Variants in PRKDC observed in about 807,000 individuals in gnomAD.
PRKDC encodes the protein DNA-dependent protein kinase catalytic subunit.
A neutral mutation model predicts 486.9 loss-of-function variants in PRKDC; 82 were observed. The observed-to-expected ratio is 0.17, with a 90% CI of 0.14 to 0.20. PRKDC has a LOEUF of 0.20. Among genes scored for constraint, PRKDC ranks in the 10% least tolerant of loss-of-function variants. The pLI, the probability that PRKDC is intolerant of heterozygous loss-of-function variation, is 1.00. For synonymous variants in PRKDC, 1,895 were observed against 1,837.0 expected (o/e 1.03, Z -0.81); for missense variants, 4,504 against 5,038.2 (o/e 0.89, Z 3.21).
intron 3 of PRKDC, among the ~76,000 whole-genome samples, chr8:47,956,839 G>A (rs2090710628): frequency 1.3e-5 from 2 of 151,326 alleles, no homozygotes; most frequent in African/African-American, 4.8e-5. Flanking sequence ...AGGGAGCCCA[G>A]GGTGCCACTG....
chr8:47,895,303 T>A (rs1246012283), intron 30 of PRKDC, among the ~76,000 whole-genome samples: 1 of 152,044 alleles, frequency 6.6e-6, no homozygotes, highest in East Asian at 1.9e-4. Context: ...AAGAGATAAA[T>A]CAAGGAAGGC....
intron 41 of PRKDC, 44 bp from the exon 42 acceptor site, chr8:47,863,621 T>C (rs2088729373): frequency 6.9e-7 from 1 of 1,457,958 alleles, no homozygotes; most frequent in Non-Finnish European, 9.5e-7. Context: ...TTATTAAACA[T>C]GAAATACATC....
chr8:47,908,292 T>C (rs1006115585), intron 25 of PRKDC, among the ~76,000 whole-genome samples: 1 of 152,236 alleles, frequency 6.6e-6, no homozygotes, highest in Non-Finnish European at 1.5e-5. Flanking sequence ...CCATCGGCCA[T>C]TTACATTTCT....
chr8:47,887,810 C>T, intron 34 of PRKDC, 105 bp from the exon 35 acceptor site: 1 of 1,174,446 alleles, frequency 8.5e-7, no homozygotes, highest in South Asian at 1.8e-5. Flanking sequence ...ATAGCACTGA[C>T]AACTACCTTC....
At chr8:47,808,922 A>G (rs1286182920) in intron 68 of PRKDC, among the ~76,000 whole-genome samples, 1 of 151,924 alleles carries the variant, frequency 6.6e-6, no homozygotes, top group African/African-American at 2.4e-5. Context: ...CTGTATTCCC[A>G]GCTACTCAGG....
At chr8:47,826,634 G>C in intron 63 of PRKDC, 22 bp downstream of exon 63, 1 of 1,593,530 alleles carries the variant, frequency 6.3e-7, no homozygotes, top group Non-Finnish European at 8.6e-7. Flanking sequence ...GTGCTCCCAA[G>C]AGCACCTGAC....
rs2154500329 is a variant in PRKDC, at chr8:47,852,720, C to A, written c.6958G>T (p.Ala2320Ser). Reference sequence around the variant, plus strand: ...CGAAGTATAAGTCCTAGAACTTCTGCTGCAGCGGCATACACTTCTTTATAT... The same window carrying A: ...CGAAGTATAAGTCCTAGAACTTCTGATGCAGCGGCATACACTTCTTTATAT... The part of the protein sequence containing the change: ...VRYKEVYAAA[A>S]EVLGLILRYV... Residue 2320 changes from alanine (A) to serine (S), a missense_variant, in exon 52 of 86, where the codon GCA (alanine) becomes TCA (serine). Physicochemically the swap from Ala to Ser is moderately conservative, Grantham distance 99. Coordinates refer to ENST00000314191, the MANE Select transcript of PRKDC (RefSeq NM_006904.7). 6.3e-7 allele frequency: 1 copy of A among 1,581,744 alleles called. No homozygotes were observed. Among genetic ancestry groups the A allele is most frequent in the East Asian group, 2.3e-5 (1 of 44,186 alleles).
chr8:47,900,657 C>G (rs1370918325), intron 27 of PRKDC, among the ~76,000 whole-genome samples, 190 bp from the exon 28 acceptor site: 1 of 151,810 alleles, frequency 6.6e-6, no homozygotes, highest in Non-Finnish European at 1.5e-5. Context: ...GTCAGGAGAT[C>G]GAGACCACAG....
At chr8:47,854,635 G>A (rs985363648) in intron 50 of PRKDC, among the ~76,000 whole-genome samples, 5 of 152,168 alleles carry the variant, frequency 3.3e-5, no homozygotes, top group Non-Finnish European at 5.9e-5. Context: ...CACCGTGCCC[G>A]GCCAAATACA....
At position 47,809,752 on chromosome 8, in the gene PRKDC, T is replaced by C. The variant is rs947784047; in HGVS notation, c.9558-2426A>G. 5.3e-5 allele frequency among the ~76,000 whole-genome samples: 8 copies of C among 152,144 alleles called. 1 individual carries two copies. The highest frequency in any genetic ancestry group is 1.9e-4 in the African/African-American group (8 of 41,432). ...GACAACAACTAGAAACTGGATAAAA[T>C]ACAACTCCCCAAGAACTCTGAGTGA... is the stretch of plus-strand genomic sequence containing the variant. On this transcript the variant is annotated intron_variant, in intron 68 of 85. Transcript: ENST00000314191.
chr8:47,783,957 T>A (rs2086744518), intron 77 of PRKDC, 148 bp from the exon 78 acceptor site: 4 of 769,204 alleles, frequency 5.2e-6, no homozygotes, highest in Non-Finnish European at 8.6e-6. Flanking sequence ...GAACTGACTT[T>A]AAAAAAAATG....
intron 30 of PRKDC, among the ~76,000 whole-genome samples, chr8:47,895,347 A>G (rs1378680661): frequency 1.3e-5 from 2 of 152,258 alleles, no homozygotes; most frequent in East Asian, 3.8e-4. Flanking sequence ...TGTTGGAAGA[A>G]GGGCAAGGCT....
At position 47,866,256 on chromosome 8, in the gene PRKDC, G is replaced by A. The variant is rs144375062; in HGVS notation, c.5364-1493C>T. 5.7e-4 allele frequency among the ~76,000 whole-genome samples: 87 copies of A among 151,812 alleles called. 1 individual carries two copies. In the East Asian group the frequency reaches 0.014, roughly 24 times the overall value. On this transcript the variant is annotated intron_variant, in intron 40 of 85. Transcript: ENST00000314191. ...GGTGCTGCCTATAAAGCAGGCAAGC[G>A]GGCTGTCATTAGACACTCCATCAAC...
At chr8:47,923,465 T>G (rs2090107014) in intron 21 of PRKDC, among the ~76,000 whole-genome samples, 1 of 152,198 alleles carries the variant, frequency 6.6e-6, no homozygotes, top group Non-Finnish European at 1.5e-5. Flanking sequence ...AGGCCATGTG[T>G]CTTTGACAGA....
At chr8:47,957,049 G>A in intron 3 of PRKDC, 122 bp downstream of exon 3, 5 of 493,262 alleles carry the variant, frequency 1.0e-5, no homozygotes, top group Non-Finnish European at 1.7e-5. Flanking sequence ...GCAGAAATAA[G>A]CAAATTCCCC....
At chr8:47,792,376 A>G (rs2086896629) in intron 74 of PRKDC, among the ~76,000 whole-genome samples, 2 of 150,560 alleles carry the variant, frequency 1.3e-5, no homozygotes, top group Non-Finnish European at 2.9e-5. Flanking sequence ...CTCCTGCCTC[A>G]GCCTCCCAAG....
intron 66 of PRKDC, among the ~76,000 whole-genome samples, chr8:47,820,479 A>G (rs2087564047): frequency 6.6e-6 from 1 of 152,092 alleles, no homozygotes; most frequent in South Asian, 2.1e-4. Context: ...TTTCTAAAAT[A>G]GAAAAAAAAG....
intron 24 of PRKDC, 78 bp downstream of exon 24, chr8:47,913,821 CAT>C (rs1307888721): frequency 1.2e-5 from 15 of 1,298,566 alleles, no homozygotes; most frequent in Non-Finnish European, 1.5e-5. Flanking sequence ...ATGGCTGAAA[CAT>C]GTTCTCTATA....
chr8:47,862,024 C>G (rs529347658), intron 44 of PRKDC, 38 bp downstream of exon 44: 81 of 1,485,266 alleles, frequency 5.5e-5, no homozygotes, highest in Non-Finnish European at 7.3e-5. Flanking sequence ...TTTGTGAGCA[C>G]TTGATAAGTT....
Sources: gnomAD v4.1 joint callset for allele counts (sites outside exome capture counted in the v4.1 genomes callset) on GRCh38, gnomAD v4.1.1 for gene constraint, MANE v1.5 for transcripts, NCBI Gene and HGNC (gene_info 2026-07-23, HGNC 2026-07-21) for gene names.